The following UBN1 variants were observed in gnomAD, a reference collection of about 807,000 sequenced individuals.
UBN1 encodes the protein ubinuclein-1.
A neutral mutation model predicts 108.5 loss-of-function variants in UBN1; 17 were observed. That is an observed-to-expected ratio of 0.16 (90% confidence interval 0.11 to 0.24). UBN1 has a LOEUF of 0.24. Among genes scored for constraint, UBN1 ranks in the 10% least tolerant of loss-of-function variants. The probability of loss-of-function intolerance (pLI) is 1.00; values close to 1 mark genes in which losing one functional copy is unlikely to be tolerated. For missense variants in UBN1, 1,595 were observed against 1,394.4 expected (o/e 1.14, Z -2.29); for synonymous variants, 726 against 564.2 (o/e 1.29, Z -4.07).
chr16:4,860,622 G>A, intron 6 of UBN1, 42 bp from the exon 7 acceptor site: 1 of 1,559,306 alleles, frequency 6.4e-7, no homozygotes. Flanking sequence ...CCCTTTGGAG[G>A]TGTCCTATAG....
At chr16:4,859,795 C>A (rs1302661515) in intron 5 of UBN1, 70 bp from the exon 6 acceptor site, 1 of 1,600,640 alleles carries the variant, frequency 6.2e-7, no homozygotes, top group Non-Finnish European at 8.5e-7. Flanking sequence ...GGAGCAAGGC[C>A]AGTGCCGTGT....
chr16:4,875,099 T>C lies in UBN1; in HGVS notation c.2689T>C (p.Ser897Pro), dbSNP rs2087816929. The C allele has an allele frequency of 6.2e-7, 1 of 1,614,154 alleles. No homozygotes were observed. The highest frequency in any genetic ancestry group is 1.1e-5 in the South Asian group (1 of 91,080). Residue 897 changes from serine to proline, a missense_variant, in exon 15 of 18, where the codon TCA (serine) becomes CCA (proline). Coordinates refer to ENST00000262376, the MANE Select transcript of UBN1 (RefSeq NM_001079514.3). ...AKPHSVSSAG[S>P]SYKNNPFASS... ...GCCACATTCAGTCAGCTCTGCAGGC[T>C]CATCTTACAAGAATAATCCCTTTGC...
At chr16:4,876,463 A>G (rs1326907018) in intron 15 of UBN1, among the ~76,000 whole-genome samples, 1 of 152,064 alleles carries the variant, frequency 6.6e-6, no homozygotes, top group Non-Finnish European at 1.5e-5. Flanking sequence ...GTATATAAAT[A>G]TATATACACA....
chr16:4,852,590 C>G (rs1212405666), intron 1 of UBN1: 1 of 176,500 alleles, frequency 5.7e-6, no homozygotes, highest in Non-Finnish European at 1.2e-5. Context: ...TTTTAGTAGT[C>G]TTTACAATTT....
At chr16:4,872,242 G>A in intron 12 of UBN1, 1 of 985,350 alleles carries the variant, frequency 1.0e-6, no homozygotes, top group Non-Finnish European at 1.2e-6. Flanking sequence ...AAGACATGCT[G>A]GGTCACTCCA....
intron 1 of UBN1, among the ~76,000 whole-genome samples, chr16:4,851,447 C>T (rs1359368410): frequency 6.6e-6 from 1 of 151,964 alleles, no homozygotes; most frequent in African/African-American, 2.4e-5. Context: ...GAGACCTTGT[C>T]TCAAAAAACA....
intron 7 of UBN1, among the ~76,000 whole-genome samples, chr16:4,865,849 C>G (rs528927370): frequency 6.6e-6 from 1 of 152,064 alleles, no homozygotes; most frequent in African/African-American, 2.4e-5. Context: ...GTAATCCCAG[C>G]TACTCAGGAG....
intron 2 of UBN1, among the ~76,000 whole-genome samples, chr16:4,857,351 CAAAA>C (rs33959421): frequency 8.3e-6 from 1 of 121,042 alleles, no homozygotes. Flanking sequence ...ACTCTTATCT[CAAAA>C]AAAAAAAAAA....
At chr16:4,876,813 T>C in intron 15 of UBN1, 58 bp from the exon 16 acceptor site, 10 of 1,526,564 alleles carry the variant, frequency 6.6e-6, no homozygotes, top group Non-Finnish European at 8.8e-6. Context: ...CCAGGTTTGG[T>C]GTGAGTGAGC....
rs2087052643 is a variant in UBN1, at chr16:4,861,363, T to C, written c.1110+261T>C. On this transcript the variant is annotated intron_variant, in intron 7 of 17. Transcript: ENST00000262376. ...GGGAGATTGTTCTCTTTCTGTTTTC[T>C]GTCAGTTTGTTTTCCACACGGCATC... Among the ~76,000 whole-genome samples the C allele has an allele frequency of 9.2e-5, 14 of 152,386 alleles. No individual in the cohort carries two copies. The South Asian group carries it at 2.9e-3, about 32-fold the overall frequency.
At chr16:4,857,844 T>C (rs1483592115) in intron 2 of UBN1, 146 bp from the exon 3 acceptor site, 1 of 635,452 alleles carries the variant, frequency 1.6e-6, no homozygotes, top group Non-Finnish European at 2.7e-6. Context: ...AAGATAAACA[T>C]TGATGAGATG....
At chr16:4,856,952 G>A (rs982526912) in intron 2 of UBN1, among the ~76,000 whole-genome samples, 5 of 152,194 alleles carry the variant, frequency 3.3e-5, no homozygotes, top group Admixed American at 3.3e-4. Flanking sequence ...GGTGAGATAA[G>A]AAAGTTTGTT....
In UBN1 at chr16:4,870,508, C is replaced by G; in HGVS notation, c.1312-8C>G. 4 of 1,614,160 alleles carry G rather than the reference C, an allele frequency of 2.5e-6. No homozygotes were observed. Among genetic ancestry groups the G allele is most frequent in the Non-Finnish European group, 2.5e-6 (3 of 1,179,980 alleles). ...AACCTGCCTTGAATTGTGTCCCGCT[C>G]TTCGCAGGGGGGCCGTCTGAAGGAG... is the stretch of plus-strand genomic sequence containing the variant. On this transcript the variant is annotated splice_region_variant and splice_polypyrimidine_tract_variant and intron_variant, in intron 9 of 17. Transcript: ENST00000262376.
chr16:4,878,904 T>C (rs1360600106), intron 17 of UBN1, among the ~76,000 whole-genome samples: 5 of 151,968 alleles, frequency 3.3e-5, no homozygotes, highest in Non-Finnish European at 2.9e-5. Context: ...CCCAGCTCTT[T>C]AGGAAGCTGA....
rs549189903 is a variant in UBN1, at chr16:4,876,355, A to G, written c.3025-516A>G. 5.9e-5 allele frequency among the ~76,000 whole-genome samples: 9 copies of G among 152,316 alleles called. No individual in the cohort carries two copies. The East Asian group carries it at 1.5e-3, about 26-fold the overall frequency. ...CTTTCCTGCACCCACCACCTCTGTA[A>G]GGTAACTAAGCTCTTTAGTTTCTGG... On this transcript the variant is annotated intron_variant, in intron 15 of 17. Transcript: ENST00000262376.
Position 4,870,955 on chromosome 16 carries a change from A to G in UBN1, c.1542A>G (p.Gln514=), listed in dbSNP as rs148310869. ...TAATGGGACCTCGGAAGAAGTTCCA[A>G]TGGAATGATGAGATCAGGTGTGCCC... ...RRIMGPRKKF[Q]WNDEIRELLC... The change falls in exon 11 of 18, where the codon CAA becomes CAG. Residue 514 remains glutamine, a synonymous_variant. Coordinates refer to ENST00000262376, the MANE Select transcript of UBN1 (RefSeq NM_001079514.3). 52 of 1,614,172 alleles carry G rather than the reference A, an allele frequency of 3.2e-5. No homozygotes were observed. Among genetic ancestry groups the G allele is most frequent in the Admixed American group, 1.2e-4 (7 of 60,024 alleles).
intron 15 of UBN1, among the ~76,000 whole-genome samples, chr16:4,876,180 G>T (rs1259488041): frequency 1.3e-5 from 2 of 152,000 alleles, no homozygotes; most frequent in Non-Finnish European, 2.9e-5. Flanking sequence ...GGATAGTCTC[G>T]ATCTCCTGAC....
Position 4,873,068 on chromosome 16 carries a change from G to C in UBN1, c.1795G>C (p.Val599Leu), listed in dbSNP as rs1031821372. 1 of 1,614,144 alleles carries C rather than the reference G, an allele frequency of 6.2e-7. No individual in the cohort carries two copies. The highest frequency in any genetic ancestry group is 1.1e-5 in the South Asian group (1 of 91,082). Residue 599 changes from valine to leucine, a missense_variant, in exon 14 of 18, where the codon GTG becomes CTG. By Grantham distance (32) the Val-to-Leu change is conservative. Around this residue, in one of 3 missense-constraint regions of UBN1, gnomAD observed 1,398 missense variants for 1,194.7 expected, o/e 1.17. Transcript: ENST00000262376. ...AGTTATGGCCCCTTCTAAAATCAAG[G>C]TGAAGGTGAGTCAGTTTGCTCGGGT... ...KKVMAPSKIKVKESSTKPDKK... is the reference protein window; with the variant it reads ...KKVMAPSKIKLKESSTKPDKK...
intron 17 of UBN1, among the ~76,000 whole-genome samples, chr16:4,879,225 C>T (rs185827270): frequency 1.3e-5 from 2 of 152,302 alleles, no homozygotes; most frequent in African/African-American, 2.4e-5. Context: ...TAACGTGACA[C>T]TACACATTTT....
Sources: gnomAD v4.1 joint callset for allele counts (sites outside exome capture counted in the v4.1 genomes callset) on GRCh38, gnomAD v4.1.1 for gene constraint, gnomAD v4.1.1 regional missense constraint, MANE v1.5 for transcripts, NCBI Gene and HGNC (gene_info 2026-07-23, HGNC 2026-07-21) for gene names.